Variants in PACSIN2 observed in about 807,000 individuals in gnomAD.
PACSIN2 encodes the protein protein kinase C and casein kinase substrate in neurons protein 2.
Under a neutral mutation model 63.8 loss-of-function variants are expected in PACSIN2, and 25 were observed. The observed-to-expected ratio is 0.39, with a 90% CI of 0.29 to 0.55. PACSIN2 has a LOEUF of 0.55. PACSIN2 is among the 20% of genes least tolerant of loss of function. The pLI is 0.62. For missense variants in PACSIN2, 518 were observed against 646.9 expected (o/e 0.80, Z 2.16); for synonymous variants, 255 against 256.2 (o/e 1.00, Z 0.05).
At chr22:42,967,606 G>A (rs1046358947) in intron 1 of PACSIN2, among the ~76,000 whole-genome samples, 3 of 152,170 alleles carry the variant, frequency 2.0e-5, no homozygotes, top group African/African-American at 7.2e-5. Context: ...CCCTGCAAAT[G>A]GGCCGGGCGC....
intron 1 of PACSIN2, among the ~76,000 whole-genome samples, chr22:43,001,177 G>A (rs968838209): frequency 1.3e-5 from 2 of 152,230 alleles, no homozygotes; most frequent in African/African-American, 2.4e-5. Flanking sequence ...AGCTGAGCAG[G>A]GATTTCTCAG....
At chr22:42,981,643 G>T (rs1189433219) in intron 1 of PACSIN2, among the ~76,000 whole-genome samples, 25 of 125,256 alleles carry the variant, frequency 2.0e-4, no homozygotes, top group African/African-American at 7.7e-4. Context: ...GTCCGGGAGG[G>T]AGGTGGGGGG....
intron 10 of PACSIN2, among the ~76,000 whole-genome samples, chr22:42,872,768 T>A (rs1928262522): frequency 6.6e-6 from 1 of 152,254 alleles, no homozygotes; most frequent in Admixed American, 6.5e-5. Flanking sequence ...GGGACATGCG[T>A]AAGCACTGGC....
At chr22:42,944,153 T>C (rs548233789) in intron 1 of PACSIN2, among the ~76,000 whole-genome samples, 7 of 152,162 alleles carry the variant, frequency 4.6e-5, no homozygotes, top group Non-Finnish European at 1.0e-4. Flanking sequence ...AGGCCTCGAG[T>C]GGCAGCTCTC....
At chr22:42,987,530 C>CTTTTTTTTTTTTTTTTTTT (rs1160565529) in intron 1 of PACSIN2, among the ~76,000 whole-genome samples, 1 of 52,028 alleles carries the variant, frequency 1.9e-5, no homozygotes, top group Non-Finnish European at 3.1e-5. Context: ...CACATTCATT[C>CTTTTTTTTTTTTTTTTTTT]TTTTTTTTTT....
chr22:42,982,888 A>AAAAAAAAAAAAAAAAAAG lies in PACSIN2; in HGVS notation c.-78+32132_-78+32133insCTTTTTTTTTTTTTTTTT, dbSNP rs759532303. On this transcript the variant is annotated intron_variant, in intron 1 of 10. Coordinates refer to ENST00000263246, the MANE Select transcript of PACSIN2 (RefSeq NM_001184970.3). ...GATCAATAAAAAAAAAAAAAAAAAA[A>AAAAAAAAAAAAAAAAAAG]AACAACAACAAGGCTAGGAGCAGTG... Among the ~76,000 whole-genome samples the AAAAAAAAAAAAAAAAAAG allele has an allele frequency of 1.9e-5, 2 of 105,158 alleles. 1 individual carries two copies. The highest frequency in any genetic ancestry group is 4.8e-4 in the East Asian group (2 of 4,188). The allele number at this position is 105,158 out of a possible 152,430, so 69.0% of individuals were successfully genotyped here. A position where few individuals can be genotyped will look rare whatever the true frequency, so the allele number is the denominator to read the frequency against.
chr22:42,989,722 T>C (rs1325337399), intron 1 of PACSIN2, among the ~76,000 whole-genome samples: 3 of 151,258 alleles, frequency 2.0e-5, no homozygotes, highest in African/African-American at 7.3e-5. Context: ...CATTTGAACC[T>C]GGGAGGCAGA....
intron 1 of PACSIN2, among the ~76,000 whole-genome samples, chr22:43,009,823 T>C (rs192751602): frequency 5.5e-4 from 84 of 152,212 alleles, no homozygotes; most frequent in African/African-American, 1.9e-3. Context: ...TTAAGGCTTC[T>C]TGCGAGGTCT....
rs989897206 is a variant in PACSIN2, at chr22:42,888,935, A to G, written c.454-137T>C. 8.8e-6 allele frequency: 7 copies of G among 791,686 alleles called. No homozygotes were observed. The Admixed American group carries it at 1.5e-4, about 17-fold the overall frequency. The allele number at this position is 791,686 out of a possible 1,614,324, so 49.0% of individuals were successfully genotyped here. A position where few individuals can be genotyped will look rare whatever the true frequency, so the allele number is the denominator to read the frequency against. On this transcript the variant is annotated intron_variant, in intron 4 of 10. Coordinates refer to ENST00000263246, the MANE Select transcript of PACSIN2 (RefSeq NM_001184970.3). ...GGTACAAAATTGTATGTATACTATC[A>G]TAGCAACCAGTCACAACAGGAACGC...
chr22:42,934,616 C>T (rs1601543105), intron 1 of PACSIN2, among the ~76,000 whole-genome samples: 1 of 152,232 alleles, frequency 6.6e-6, no homozygotes, highest in African/African-American at 2.4e-5. Context: ...CTCCCACCTA[C>T]CTTGCAAGGC....
intron 1 of PACSIN2, among the ~76,000 whole-genome samples, chr22:42,916,296 G>C (rs1030597615): frequency 6.6e-6 from 1 of 151,990 alleles, no homozygotes; most frequent in Non-Finnish European, 1.5e-5. Context: ...GTAAAGGGGA[G>C]GACCTGGGGG....
intron 1 of PACSIN2, among the ~76,000 whole-genome samples, chr22:42,922,828 T>C (rs534113318): frequency 6.6e-5 from 10 of 152,234 alleles, no homozygotes; most frequent in African/African-American, 2.4e-4. Flanking sequence ...CTAGGGCAGA[T>C]TGGCACACAG....
At chr22:42,961,120 T>A (rs1045446428) in intron 1 of PACSIN2, among the ~76,000 whole-genome samples, 1 of 152,138 alleles carries the variant, frequency 6.6e-6, no homozygotes, top group African/African-American at 2.4e-5. Context: ...GATGGGAAAA[T>A]ACGTAATTGG....
At chr22:42,954,092 C>G (rs1933814547) in intron 1 of PACSIN2, among the ~76,000 whole-genome samples, 1 of 152,164 alleles carries the variant, frequency 6.6e-6, no homozygotes, top group South Asian at 2.1e-4. Flanking sequence ...GAAACCCTGT[C>G]TCTACCAAAA....
chr22:42,871,977 A>G lies in PACSIN2; in HGVS notation c.1349-508T>C, dbSNP rs1433625657. The stretch of plus-strand genomic sequence containing the variant: ...GTCTGACAGTCATACCTGTCATTTT[A>G]TCCCCAGCACCTGGCTGATGACTTG... On this transcript the variant is annotated intron_variant, in intron 10 of 10. Transcript: ENST00000263246. The surrounding 1 kb of genome is among the most constrained non-coding windows in gnomAD (Gnocchi z 5.4). Among the ~76,000 whole-genome samples, 1 of 152,072 alleles carries G rather than the reference A, an allele frequency of 6.6e-6. No individual in the cohort carries two copies. The highest frequency in any genetic ancestry group is 1.5e-5 in the Non-Finnish European group (1 of 68,016).
intron 1 of PACSIN2, among the ~76,000 whole-genome samples, chr22:42,991,563 G>A (rs956329759): frequency 2.0e-5 from 3 of 152,214 alleles, no homozygotes; most frequent in East Asian, 1.9e-4. Context: ...GGAATCCAGC[G>A]GGCATCGCCC....
chr22:42,932,037 C>T lies in PACSIN2; in HGVS notation c.-77-19880G>A, dbSNP rs541134185. The stretch of plus-strand genomic sequence containing the variant: ...AATCATGTCACTTCCCTTCTCTAAA[C>T]CATCACATCACTTCAACCCTAACTC... On this transcript the variant is annotated intron_variant, in intron 1 of 10. Coordinates refer to ENST00000263246, the MANE Select transcript of PACSIN2 (RefSeq NM_001184970.3). Among the ~76,000 whole-genome samples the T allele has an allele frequency of 9.2e-5, 14 of 152,254 alleles. No individual in the cohort carries two copies. In the South Asian group the frequency reaches 1.7e-3, roughly 18 times the overall value.
intron 1 of PACSIN2, among the ~76,000 whole-genome samples, chr22:42,991,188 G>T (rs1378495051): frequency 1.3e-5 from 2 of 152,170 alleles, no homozygotes; most frequent in Non-Finnish European, 2.9e-5. Flanking sequence ...TATAGACTTG[G>T]AGACTGCTCA....
intron 1 of PACSIN2, among the ~76,000 whole-genome samples, chr22:42,980,400 C>A (rs1306338832): frequency 6.6e-6 from 1 of 151,866 alleles, no homozygotes; most frequent in Non-Finnish European, 1.5e-5. Context: ...GTCAAGGCTG[C>A]ATGATCACAC....
Sources: allele counts gnomAD v4.1 joint callset (sites outside exome capture counted in the v4.1 genomes callset), GRCh38; gene constraint gnomAD v4.1.1; non-coding constraint Gnocchi (gnomAD v3.1); transcripts MANE v1.5; gene names NCBI Gene and HGNC (gene_info 2026-07-23, HGNC 2026-07-21).